The following PTBP1 variants were observed in gnomAD, a reference collection of about 807,000 sequenced individuals.
PTBP1 encodes polypyrimidine tract-binding protein 1.
Under a neutral mutation model 59.8 loss-of-function variants are expected in PTBP1, and 8 were observed. The observed-to-expected ratio is 0.13, with a 90% CI of 0.08 to 0.24. The LOEUF (loss-of-function observed/expected upper bound fraction) is 0.24, where lower values mean the gene tolerates loss of function less well. PTBP1 is among the 10% of genes least tolerant of loss of function. The pLI is 1.00. For synonymous variants in PTBP1, 490 were observed against 320.7 expected, an observed-to-expected ratio of 1.53 and a Z score of -5.64; for missense variants, 686 against 767.0, an observed-to-expected ratio of 0.89 and a Z score of 1.25.
At position 808,974 on chromosome 19, in the gene PTBP1, G is replaced by A. The variant is rs553661801; in HGVS notation, c.1463+212G>A. On this transcript the variant is annotated intron_variant, in intron 13 of 14. Coordinates refer to ENST00000356948, the MANE Select transcript of PTBP1 (RefSeq NM_002819.5). The surrounding 1 kb of genome is among the most constrained non-coding windows in gnomAD (Gnocchi z 4.7). ...GACACTTTGGAGGTTTTGGCTCAGGGGATGCTCCCTGTGAGAATGTATAAT... is the reference window on the plus strand; with the variant it reads ...GACACTTTGGAGGTTTTGGCTCAGGAGATGCTCCCTGTGAGAATGTATAAT... Among the ~76,000 whole-genome samples, 19 of 152,116 alleles carry A rather than the reference G, an allele frequency of 1.2e-4. No homozygotes were observed. The highest frequency in any genetic ancestry group is 2.1e-4 in the Non-Finnish European group (14 of 68,018).
intron 2 of PTBP1, among the ~76,000 whole-genome samples, chr19:802,647 G>C (rs2034384882): frequency 6.6e-6 from 1 of 152,208 alleles, no homozygotes; most frequent in Non-Finnish European, 1.5e-5. Flanking sequence ...TCGCTTTGCA[G>C]ACCAAGCGCC....
chr19:811,099 C>T lies in PTBP1; in HGVS notation c.*273C>T. On this transcript the variant is annotated 3_prime_UTR_variant, in exon 15 of 15. Transcript: ENST00000356948. ...CCCTCGGGGCCATGCCTTGGTGGGG[C>T]CTGTGTCGGGCGTGGGGCCTGCAGG... 2.9e-6 allele frequency: 1 copy of T among 350,756 alleles called. No individual in the cohort carries two copies. Among genetic ancestry groups the T allele is most frequent in the East Asian group, 5.0e-5 (1 of 20,062 alleles). The allele number at this position is 350,756 out of a possible 1,614,324, so 21.7% of individuals were successfully genotyped here.
intron 13 of PTBP1, among the ~76,000 whole-genome samples, chr19:809,089 A>C (rs2034723728): frequency 4.0e-5 from 6 of 151,306 alleles, no homozygotes; most frequent in Admixed American, 3.9e-4. Context: ...GTTCACTGCA[A>C]CCTCCGCCTC....
intron 2 of PTBP1, among the ~76,000 whole-genome samples, chr19:800,496 G>A (rs2034284916): frequency 6.6e-6 from 1 of 152,162 alleles, no homozygotes; most frequent in Non-Finnish European, 1.5e-5. Context: ...TGGTCATTGT[G>A]GGTTGAGGGG....
chr19:809,915 T>C (rs1052244591), intron 13 of PTBP1, among the ~76,000 whole-genome samples: 5 of 152,112 alleles, frequency 3.3e-5, no homozygotes, highest in Admixed American at 6.5e-5. Flanking sequence ...AATTACATAA[T>C]GCAAGTATTT....
At position 808,436 on chromosome 19, in the gene PTBP1, C is replaced by A; in HGVS notation, c.1230C>A (p.Gly410=). 6.2e-7 allele frequency: 1 copy of A among 1,604,482 alleles called. No individual in the cohort carries two copies. Among genetic ancestry groups the A allele is most frequent in the African/African-American group, 1.3e-5 (1 of 74,834 alleles). The change falls in exon 12 of 15, where the codon GGC becomes GGA. Residue 410 remains glycine, a synonymous_variant. Coordinates refer to ENST00000356948, the MANE Select transcript of PTBP1 (RefSeq NM_002819.5). This position sits in a 1 kb window ranked among gnomAD's most constrained non-coding sequence, Gnocchi z 4.7. ...ACGCCCTAGTGCAGATGGCGGACGG[C>A]AACCAGGCCCAGCTGGGTAAGAGGC... ...KENALVQMAD[G]NQAQLAMSHL...
intron 2 of PTBP1, among the ~76,000 whole-genome samples, chr19:799,702 C>T (rs1309872556): frequency 6.6e-6 from 1 of 152,208 alleles, no homozygotes; most frequent in South Asian, 2.1e-4. Context: ...CTGTCAGCAG[C>T]GAGGGCTCTG....
In PTBP1 at chr19:799,478, C is replaced by T. The variant is rs571982401; in HGVS notation, c.39+35C>T. 2.6e-4 allele frequency: 427 copies of T among 1,611,558 alleles called. 8 individuals carry two copies. In the South Asian group the frequency reaches 4.4e-3, roughly 17 times the overall value. On this transcript the variant is annotated intron_variant, in intron 2 of 14. Coordinates refer to ENST00000356948, the MANE Select transcript of PTBP1 (RefSeq NM_002819.5). Reference sequence around the variant, plus strand: ...TCTCACTTTGCTTCTCCGTGACGCTCCTCTGACCTTGTGCCGACCCCGGGG... The same window carrying T: ...TCTCACTTTGCTTCTCCGTGACGCTTCTCTGACCTTGTGCCGACCCCGGGG...
rs985307580 is a variant in PTBP1, at chr19:806,087, C to G, written c.971-321C>G. 5.9e-5 allele frequency: 18 copies of G among 303,370 alleles called. No homozygotes were observed. The East Asian group carries it at 1.2e-3, about 20-fold the overall frequency. 18.8% of individuals were successfully genotyped at this position (303,370 alleles called of 1,614,324 possible). On this transcript the variant is annotated intron_variant, in intron 9 of 14. Transcript: ENST00000356948. ...GCATGGGCGCGCATGCGCGGTGGTC[C>G]CGGGACGGGCCCTGCTTGCCGAGGG...
At chr19:805,454 G>C in intron 8 of PTBP1, 38 bp from the exon 9 acceptor site, 4 of 1,573,032 alleles carry the variant, frequency 2.5e-6, no homozygotes, top group Non-Finnish European at 2.6e-6. Flanking sequence ...CGCGGTGGAG[G>C]TTGTGGGTGC....
intron 9 of PTBP1, 154 bp from the exon 10 acceptor site, chr19:806,254 G>A (rs2034567400): frequency 3.7e-6 from 3 of 819,406 alleles, no homozygotes; most frequent in South Asian, 4.4e-5. Context: ...TGCGGGGGTC[G>A]GACGACCCCA....
At position 811,576 on chromosome 19, in the gene PTBP1, T is replaced by C. The variant is rs1171394002; in HGVS notation, c.*750T>C. On this transcript the variant is annotated 3_prime_UTR_variant, in exon 15 of 15. Transcript: ENST00000356948. ...AGATGATACAATGGTATGAGTGTAA[T>C]CTAAACTTCCTTGTGGTATTACCTT... 1.3e-5 allele frequency: 2 copies of C among 152,438 alleles called. No homozygotes were observed. The highest frequency in any genetic ancestry group is 2.9e-5 in the Non-Finnish European group (2 of 68,050). 9.4% of individuals were successfully genotyped at this position (152,438 alleles called of 1,614,324 possible). A position where few individuals can be genotyped will look rare whatever the true frequency, so the allele number is the denominator to read the frequency against.
At chr19:803,100 C>G (rs541880570) in intron 2 of PTBP1, among the ~76,000 whole-genome samples, 3 of 152,152 alleles carry the variant, frequency 2.0e-5, no homozygotes, top group Non-Finnish European at 2.9e-5. Context: ...TGCGAGGCCA[C>G]CAGAAGTGAG....
At chr19:803,422 TG>T (rs1420169081) in intron 2 of PTBP1, 138 bp from the exon 3 acceptor site, 27 of 701,108 alleles carry the variant, frequency 3.9e-5, no homozygotes, top group Non-Finnish European at 5.1e-6. Context: ...CAGGCTGCCC[TG>T]CCGTGGAAGT....
At position 808,875 on chromosome 19, in the gene PTBP1, C is replaced by T. The variant is rs893442749; in HGVS notation, c.1463+113C>T. 7.1e-6 allele frequency: 7 copies of T among 992,668 alleles called. No homozygotes were observed. The Admixed American group carries it at 1.1e-4, about 15-fold the overall frequency. 61.5% of individuals were successfully genotyped at this position (992,668 alleles called of 1,614,324 possible). A position where few individuals can be genotyped will look rare whatever the true frequency, so the allele number is the denominator to read the frequency against. On this transcript the variant is annotated intron_variant, in intron 13 of 14. Transcript: ENST00000356948. This position sits in a 1 kb window ranked among gnomAD's most constrained non-coding sequence, Gnocchi z 4.7. ...GCGTTTCCAGAGTGCAGGTCGGGCA[C>T]CTCTTACCCCAAACCTGAAGTACTG...
intron 1 of PTBP1, among the ~76,000 whole-genome samples, chr19:797,743 C>T (rs2034134950): frequency 6.7e-6 from 1 of 148,220 alleles, no homozygotes; most frequent in Non-Finnish European, 1.5e-5. Flanking sequence ...GCGCCCCGTC[C>T]CTAGCGCACG....
chr19:808,202 C>T lies in PTBP1; in HGVS notation c.1154-158C>T, dbSNP rs967514203. On this transcript the variant is annotated intron_variant, in intron 11 of 14. Coordinates refer to ENST00000356948, the MANE Select transcript of PTBP1 (RefSeq NM_002819.5). This position sits in a 1 kb window ranked among gnomAD's most constrained non-coding sequence, Gnocchi z 4.7. ...TGCTGAACGGAGCTGCTCCTGTTAG[C>T]GCGCCCTGTGGCTGCGAGACGCAGC... is the stretch of plus-strand genomic sequence containing the variant. 3.0e-6 allele frequency: 2 copies of T among 677,468 alleles called. No individual in the cohort carries two copies. Among genetic ancestry groups the T allele is most frequent in the African/African-American group, 1.8e-5 (1 of 55,322 alleles). The allele number at this position is 677,468 out of a possible 1,614,324, so 42.0% of individuals were successfully genotyped here.
chr19:805,771 GT>G (rs2034535726), intron 9 of PTBP1: 4 of 588,378 alleles, frequency 6.8e-6, no homozygotes, highest in Non-Finnish European at 9.1e-6. Context: ...AGGCCCACGT[GT>G]GGACGGCGCC....
intron 10 of PTBP1, chr19:806,849 G>C (rs747404333): frequency 3.5e-6 from 1 of 283,568 alleles, no homozygotes; most frequent in Middle Eastern, 9.5e-4. Context: ...AGGGCGCGCA[G>C]TTCAGAGCCC....
Sources: allele counts gnomAD v4.1 joint callset (sites outside exome capture counted in the v4.1 genomes callset), GRCh38; gene constraint gnomAD v4.1.1; non-coding constraint Gnocchi (gnomAD v3.1); transcripts MANE v1.5; gene names NCBI Gene and HGNC (gene_info 2026-07-23, HGNC 2026-07-21).